PRDM11: variants seen among roughly 807,000 people sequenced by gnomAD.
The protein encoded by PRDM11 is PR/SET domain 11.
A neutral mutation model predicts 97.8 loss-of-function variants in PRDM11; 20 were observed. The ratio of observed to expected loss-of-function variants is 0.20; its 90% CI spans 0.14 to 0.30. The LOEUF is 0.30. Ranked by LOEUF, PRDM11 falls within the 10% of genes least tolerant of loss-of-function variation. The pLI is 1.00. For synonymous variants in PRDM11, 599 were observed against 637.7 expected (o/e 0.94, Z 0.91); for missense variants, 1,139 against 1,555.2 (o/e 0.73, Z 4.50).
chr11:45,139,494 G>C (rs760876735), intron 1 of PRDM11, among the ~76,000 whole-genome samples: 10 of 149,330 alleles, frequency 6.7e-5, no homozygotes, highest in Non-Finnish European at 1.3e-4. Context: ...TTGAACCCAG[G>C]AGGCGGAGGT....
upstream of PRDM11, among the ~76,000 whole-genome samples, chr11:45,145,104 T>C (rs918842935): frequency 2.6e-5 from 4 of 152,234 alleles, no homozygotes; most frequent in African/African-American, 9.6e-5. Context: ...CTCTTGAGCA[T>C]CTACTGAGAG....
At chr11:45,138,191 A>T (rs1218806276) in intron 1 of PRDM11, among the ~76,000 whole-genome samples, 1 of 152,224 alleles carries the variant, frequency 6.6e-6, no homozygotes, top group East Asian at 1.9e-4. Flanking sequence ...CAGGGGGGAA[A>T]AACTTGAAGA....
chr11:45,203,908 C>T (rs113626980), intron 4 of PRDM11, among the ~76,000 whole-genome samples: 1,847 of 152,246 alleles, frequency 0.012, 36 homozygotes, highest in African/African-American at 0.041. Flanking sequence ...GGATATGAGT[C>T]TTGGAGTTGA....
chr11:45,143,324 A>G (rs967264495), upstream of PRDM11, among the ~76,000 whole-genome samples: 11 of 152,112 alleles, frequency 7.2e-5, no homozygotes, highest in African/African-American at 2.4e-4. Context: ...TGGTGTCATT[A>G]TTACTAGTAG....
At chr11:45,193,989 G>T (rs538694037) in intron 4 of PRDM11, among the ~76,000 whole-genome samples, 2 of 152,330 alleles carry the variant, frequency 1.3e-5, no homozygotes, top group East Asian at 1.9e-4. Context: ...TACATTTTGA[G>T]GCTTTGCTCA....
chr11:45,149,040 C>T (rs1332792254), intron 1 of PRDM11, among the ~76,000 whole-genome samples: 1 of 152,178 alleles, frequency 6.6e-6, no homozygotes, highest in Non-Finnish European at 1.5e-5. Context: ...CAATCTACTC[C>T]ATCTCCAGAC....
chr11:45,194,004 A>G (rs1479245811), intron 4 of PRDM11, among the ~76,000 whole-genome samples: 1 of 152,224 alleles, frequency 6.6e-6, no homozygotes, highest in Non-Finnish European at 1.5e-5. Context: ...TGCTCATATC[A>G]TGTTTGCTAA....
At chr11:45,117,243 A>G (rs1446226027) in intron 1 of PRDM11, among the ~76,000 whole-genome samples, 1 of 151,836 alleles carries the variant, frequency 6.6e-6, no homozygotes, top group East Asian at 1.9e-4. Context: ...AAAAAAAAAA[A>G]AAAAGAGTTC....
At chr11:45,113,383 T>C (rs113385371) in intron 1 of PRDM11, among the ~76,000 whole-genome samples, 1 of 152,318 alleles carries the variant, frequency 6.6e-6, no homozygotes, top group African/African-American at 2.4e-5. Context: ...AGTCGAGTAA[T>C]GTGATGCTTC....
chr11:45,160,448 G>T (rs1397392017), intron 1 of PRDM11, among the ~76,000 whole-genome samples: 1 of 152,142 alleles, frequency 6.6e-6, no homozygotes, highest in East Asian at 1.9e-4. Context: ...TATCCTTCTA[G>T]ATCTTTTTCT....
intron 1 of PRDM11, among the ~76,000 whole-genome samples, chr11:45,171,255 A>G (rs1305286707): frequency 6.6e-6 from 1 of 151,992 alleles, no homozygotes; most frequent in African/African-American, 2.4e-5. Context: ...ACCCACCAAC[A>G]CGCCCAGCTA....
chr11:45,216,180 T>C (rs536553653), intron 5 of PRDM11: 1 of 152,588 alleles, frequency 6.6e-6, no homozygotes, highest in Admixed American at 6.5e-5. Context: ...ACCTTCCCCT[T>C]GATTGCTCCA....
intron 4 of PRDM11, among the ~76,000 whole-genome samples, chr11:45,200,225 A>T (rs1853279284): frequency 6.6e-6 from 1 of 152,240 alleles, no homozygotes; most frequent in Non-Finnish European, 1.5e-5. Context: ...TGAACCCAGC[A>T]GACAGTGGTC....
chr11:45,143,049 G>A (rs1404938752), upstream of PRDM11, among the ~76,000 whole-genome samples: 1 of 152,200 alleles, frequency 6.6e-6, no homozygotes, highest in Non-Finnish European at 1.5e-5. Context: ...CGTGCAAGAA[G>A]GGAAGGCTGA....
Position 45,219,496 on chromosome 11 carries a change from G to GC in PRDM11, c.555-73dup. The GC allele has an allele frequency of 7.1e-7, 1 of 1,413,696 alleles. No individual in the cohort carries two copies. The allele number at this position is 1,413,696 out of a possible 1,614,324, so 87.6% of individuals were successfully genotyped here. The stretch of plus-strand genomic sequence containing the variant: ...ACTTCTAACCATCCACACTTGCCCA[G>GC]CACTGTGCCGGCACCAGCGGGCACT... On this transcript the variant is annotated intron_variant, in intron 5 of 7. Transcript: ENST00000683152. The surrounding 1 kb of genome is among the most constrained non-coding windows in gnomAD (Gnocchi z 4.2).
intron 1 of PRDM11, among the ~76,000 whole-genome samples, chr11:45,096,811 G>A (rs1221207922): frequency 6.6e-6 from 1 of 152,208 alleles, no homozygotes; most frequent in Admixed American, 6.5e-5. Context: ...TGTGAGGACT[G>A]ACTCCTTCAG....
chr11:45,164,597 GC>G (rs1056835256), intron 1 of PRDM11, among the ~76,000 whole-genome samples: 1 of 152,206 alleles, frequency 6.6e-6, no homozygotes, highest in Non-Finnish European at 1.5e-5. Flanking sequence ...ACCAGGGCTG[GC>G]TCCTTCCAGC....
chr11:45,129,776 T>G (rs1175661078), intron 1 of PRDM11, among the ~76,000 whole-genome samples: 3 of 152,172 alleles, frequency 2.0e-5, no homozygotes, highest in Non-Finnish European at 4.4e-5. Flanking sequence ...ATTGAAAAGC[T>G]GATTGTAAAA....
At chr11:45,096,537 T>C (rs1025997846) in intron 1 of PRDM11, among the ~76,000 whole-genome samples, 4 of 152,142 alleles carry the variant, frequency 2.6e-5, no homozygotes, top group African/African-American at 9.7e-5. Flanking sequence ...CTCAGGTGCC[T>C]TGAATCAAGC....
Sources: allele counts gnomAD v4.1 joint callset (sites outside exome capture counted in the v4.1 genomes callset), GRCh38; gene constraint gnomAD v4.1.1; non-coding constraint Gnocchi (gnomAD v3.1); transcripts MANE v1.5; gene names NCBI Gene and HGNC (gene_info 2026-07-23, HGNC 2026-07-21).